CYP2J2: variants seen among roughly 807,000 people sequenced by gnomAD.
CYP2J2 encodes the protein cytochrome P450 2J2.
CYP2J2 carries 41 observed loss-of-function variants against 48.8 expected under a neutral mutation model. That is an observed-to-expected ratio of 0.84 (90% confidence interval 0.66 to 1.09). The LOEUF (loss-of-function observed/expected upper bound fraction) is 1.09, where lower values mean the gene tolerates loss of function less well. Ranked by LOEUF, CYP2J2 falls within the 50% of genes least tolerant of loss-of-function variation. The pLI, the probability that CYP2J2 is intolerant of heterozygous loss-of-function variation, is 0.00. For synonymous variants in CYP2J2, 221 were observed against 227.1 expected, an observed-to-expected ratio of 0.97 and a Z score of 0.24; for missense variants, 644 against 617.3, an observed-to-expected ratio of 1.04 and a Z score of -0.46.
At chr1:59,903,637 C>T (rs1405310839) in intron 7 of CYP2J2, among the ~76,000 whole-genome samples, 2 of 151,606 alleles carry the variant, frequency 1.3e-5, no homozygotes, top group East Asian at 3.9e-4. Context: ...ACCCTTGTAA[C>T]GAGCCTACAC....
At chr1:59,934,500 T>C in the CYP2J2 span, among the ~76,000 whole-genome samples, 2 of 152,044 alleles carry the variant, frequency 1.3e-5, no homozygotes, top group African/African-American at 4.8e-5. Flanking sequence ...TTCCTACAAA[T>C]TGATAGCAAA....
chr1:59,952,761 T>C, the CYP2J2 span, among the ~76,000 whole-genome samples: 1 of 152,212 alleles, frequency 6.6e-6, no homozygotes, highest in Non-Finnish European at 1.5e-5. Flanking sequence ...AAATATGTGT[T>C]GAGTCCTACT....
chr1:59,967,013 T>C, the CYP2J2 span, among the ~76,000 whole-genome samples: 2 of 152,152 alleles, frequency 1.3e-5, no homozygotes, highest in Non-Finnish European at 2.9e-5. Context: ...ATTTTACTTT[T>C]ACAATGTATA....
chr1:59,968,643 G>A, the CYP2J2 span, among the ~76,000 whole-genome samples: 1 of 152,348 alleles, frequency 6.6e-6, no homozygotes, highest in East Asian at 1.9e-4. Flanking sequence ...GTGGCTCCAC[G>A]GACAGTGACA....
chr1:59,968,108 G>A, the CYP2J2 span, among the ~76,000 whole-genome samples: 1 of 152,156 alleles, frequency 6.6e-6, no homozygotes, highest in Non-Finnish European at 1.5e-5. Flanking sequence ...CATTAAAGGA[G>A]ACAGAGATAA....
At chr1:59,914,518 A>G (rs1644446696) in intron 2 of CYP2J2, among the ~76,000 whole-genome samples, 1 of 152,214 alleles carries the variant, frequency 6.6e-6, no homozygotes, top group South Asian at 2.1e-4. Flanking sequence ...CTTTGAGCTC[A>G]CAAAAACATA....
At chr1:59,917,033 C>T (rs192592649) in intron 1 of CYP2J2, among the ~76,000 whole-genome samples, 2 of 152,254 alleles carry the variant, frequency 1.3e-5, no homozygotes, top group Admixed American at 1.3e-4. Context: ...GGAAAGCCCT[C>T]GAGCTCTGGA....
At chr1:59,939,453 G>C in the CYP2J2 span, among the ~76,000 whole-genome samples, 1 of 152,264 alleles carries the variant, frequency 6.6e-6, no homozygotes, top group Non-Finnish European at 1.5e-5. Context: ...CTCTCTCTCT[G>C]TTCCAAGCTG....
chr1:59,901,118 A>G lies in CYP2J2; in HGVS notation c.1192-15T>C. The G allele has an allele frequency of 6.2e-7, 1 of 1,611,010 alleles. No homozygotes were observed. The highest frequency in any genetic ancestry group is 8.5e-7 in the Non-Finnish European group (1 of 1,177,452). The stretch of plus-strand genomic sequence containing the variant: ...ATCATGGTACCCTAGAGAAAGCAGC[A>G]GAGACTCAGGCAAGGCTTGACCCAT... On this transcript the variant is annotated splice_polypyrimidine_tract_variant and intron_variant, in intron 7 of 8. Transcript: ENST00000371204.
chr1:59,935,021 T>TATATATATATATAC, the CYP2J2 span, among the ~76,000 whole-genome samples: 22 of 48,128 alleles, frequency 4.6e-4, no homozygotes, highest in Non-Finnish European at 1.3e-4. Flanking sequence ...TATACATATA[T>TATATATATATATAC]ATATATATAT....
At chr1:59,919,062 A>G (rs1332829000) in intron 1 of CYP2J2, among the ~76,000 whole-genome samples, 1 of 152,124 alleles carries the variant, frequency 6.6e-6, no homozygotes, top group Non-Finnish European at 1.5e-5. Flanking sequence ...AAAAACAGAA[A>G]AAGAGTGTAC....
chr1:59,898,061 G>A (rs573546191), intron 8 of CYP2J2, among the ~76,000 whole-genome samples: 1 of 152,284 alleles, frequency 6.6e-6, no homozygotes, highest in East Asian at 1.9e-4. Context: ...TGCCTTCTAT[G>A]AATTTCATTC....
chr1:59,898,372 A>G (rs1644287626), intron 8 of CYP2J2, among the ~76,000 whole-genome samples: 1 of 152,182 alleles, frequency 6.6e-6, no homozygotes. Flanking sequence ...ATGAGGGATA[A>G]TGTGAGAAGG....
chr1:59,902,602 G>A (rs11572299), intron 7 of CYP2J2, among the ~76,000 whole-genome samples: 4,869 of 152,012 alleles, frequency 0.032, 136 homozygotes, highest in Admixed American at 0.087. Flanking sequence ...TTTTAGTAGA[G>A]ACGGTTTTCA....
At chr1:59,962,961 G>A in the CYP2J2 span, among the ~76,000 whole-genome samples, 1 of 152,258 alleles carries the variant, frequency 6.6e-6, no homozygotes, top group South Asian at 2.1e-4. Context: ...GAATATGGAT[G>A]AGACACCATC....
At position 59,926,612 on chromosome 1, in the gene CYP2J2, C is replaced by T. The variant is rs1242186769; in HGVS notation, c.135G>A (p.Pro45=). 8 of 1,614,106 alleles carry T rather than the reference C, an allele frequency of 5.0e-6. No homozygotes were observed. Among genetic ancestry groups the T allele is most frequent in the South Asian group, 3.3e-5 (3 of 91,088 alleles). The change falls in exon 1 of 9, where the codon CCG becomes CCA. Residue 45 remains proline (P), a synonymous_variant. Coordinates refer to ENST00000371204, the MANE Select transcript of CYP2J2 (RefSeq NM_000775.4). Reference sequence around the variant, plus strand: ...CAAGGAAGGGCAGGCGCCAGGGCCCCGGCGGGTAGTTCTTTGGGCGCCGTC... The same window carrying T: ...CAAGGAAGGGCAGGCGCCAGGGCCCTGGCGGGTAGTTCTTTGGGCGCCGTC... ...LKRRRPKNYP[P]GPWRLPFLGN... is the part of the protein sequence containing the mutation.
upstream of CYP2J2, among the ~76,000 whole-genome samples, chr1:59,931,479 A>G (rs1459523158): frequency 6.6e-6 from 1 of 152,082 alleles, no homozygotes; most frequent in African/African-American, 2.4e-5. Flanking sequence ...CATTTTTTTT[A>G]AATTAAAGCA....
chr1:59,933,493 A>G, the CYP2J2 span, among the ~76,000 whole-genome samples: 1 of 152,190 alleles, frequency 6.6e-6, no homozygotes. Flanking sequence ...TTGTTAGTGT[A>G]TAGAAACACA....
At chr1:59,927,993 T>G (rs1182603631), upstream of CYP2J2, among the ~76,000 whole-genome samples, 1 of 152,192 alleles carries the variant, frequency 6.6e-6, no homozygotes, top group Non-Finnish European at 1.5e-5. Context: ...CCATACAATA[T>G]TTCTAATATT....
Sources: allele counts gnomAD v4.1 joint callset (sites outside exome capture counted in the v4.1 genomes callset), GRCh38; gene constraint gnomAD v4.1.1; transcripts MANE v1.5; gene names NCBI Gene and HGNC (gene_info 2026-07-23, HGNC 2026-07-21).